APOO: variants seen among roughly 807,000 people sequenced by gnomAD.
APOO encodes the protein MICOS complex subunit MIC26.
In APOO, 11 loss-of-function variants were observed where a neutral mutation model predicts 23.1. That is an observed-to-expected ratio of 0.48 (90% CI 0.30 to 0.79). The LOEUF is 0.79. Among genes scored for constraint, APOO ranks in the 30% least tolerant of loss-of-function variants. APOO has a pLI of 0.07. For missense variants in APOO, 160 were observed against 142.7 expected (o/e 1.12, Z -0.62); for synonymous variants, 59 against 54.8 (o/e 1.08, Z -0.34).
intron 5 of APOO, among the ~76,000 whole-genome samples, chrX:23,862,063 C>T (rs1412830567): frequency 9.0e-6 from 1 of 110,692 alleles, no homozygotes; most frequent in Admixed American, 9.8e-5. Context: ...CTCAGCCTCC[C>T]AAAGTGCTGG....
At chrX:23,865,611 AAAAAG>A (rs1925300247) in intron 5 of APOO, among the ~76,000 whole-genome samples, 1 of 108,546 alleles carries the variant, frequency 9.2e-6, no homozygotes, top group African/African-American at 3.4e-5. Flanking sequence ...CAAAAAAAAA[AAAAAG>A]AAACTCCTAT....
chrX:23,881,835 C>T (rs959539330), intron 1 of APOO, among the ~76,000 whole-genome samples: 2 of 101,765 alleles, frequency 2.0e-5, no homozygotes, highest in African/African-American at 7.3e-5. Flanking sequence ...GTAATCCCAG[C>T]TACACAGAAG....
At chrX:23,880,560 G>A (rs5925630) in intron 2 of APOO, among the ~76,000 whole-genome samples, 13,091 of 109,516 alleles carry the variant, frequency 0.12, 890 homozygotes, top group South Asian at 0.51. Context: ...TTAGCCAGGC[G>A]TGGTGGCACA....
At chrX:23,862,653 G>A (rs938384459) in intron 5 of APOO, among the ~76,000 whole-genome samples, 1 of 104,038 alleles carries the variant, frequency 9.6e-6, no homozygotes, top group African/African-American at 3.5e-5. Context: ...CATGCCTATA[G>A]TCGCAGCTAC....
chrX:23,852,401 A>T (rs1252174923), intron 7 of APOO, among the ~76,000 whole-genome samples: 1 of 110,207 alleles, frequency 9.1e-6, no homozygotes, highest in Non-Finnish European at 1.9e-5. Flanking sequence ...GATCAAGACC[A>T]CCCTGCACAA....
intron 3 of APOO, among the ~76,000 whole-genome samples, chrX:23,875,617 G>T (rs916475735): frequency 5.6e-5 from 6 of 106,997 alleles, no homozygotes; most frequent in African/African-American, 2.0e-4. Context: ...ACAGGGTTTC[G>T]CTATGTTGGC....
chrX:23,891,076 C>T (rs1277875793), intron 1 of APOO, among the ~76,000 whole-genome samples: 1 of 110,988 alleles, frequency 9.0e-6, no homozygotes, highest in Non-Finnish European at 1.9e-5. Flanking sequence ...GGATTCTACC[C>T]TATCCCCATT....
intron 1 of APOO, among the ~76,000 whole-genome samples, chrX:23,887,852 T>A (rs1408168810): frequency 1.8e-5 from 2 of 111,543 alleles, no homozygotes; most frequent in Non-Finnish European, 3.8e-5. Context: ...CCCTCGGGAG[T>A]ATACCCTTCA....
At chrX:23,878,860 T>C in intron 3 of APOO, 55 bp downstream of exon 3, 1 of 1,175,417 alleles carries the variant, frequency 8.5e-7, no homozygotes, top group Non-Finnish European at 1.1e-6. Context: ...ATACAGACTT[T>C]CCTCTATGGA....
chrX:23,892,530 T>G (rs1361949757), intron 1 of APOO, among the ~76,000 whole-genome samples: 3 of 110,333 alleles, frequency 2.7e-5, no homozygotes, highest in Non-Finnish European at 5.7e-5. Context: ...ACTGCTGGAA[T>G]TGGCCAAGGT....
intron 2 of APOO, among the ~76,000 whole-genome samples, chrX:23,879,256 C>T (rs1479197564): frequency 1.8e-5 from 2 of 110,957 alleles, no homozygotes; most frequent in Non-Finnish European, 3.8e-5. Context: ...GCCAACATGG[C>T]GAAACCCAGT....
At chrX:23,901,868 C>A (rs771879894) in intron 1 of APOO, among the ~76,000 whole-genome samples, 1 of 112,499 alleles carries the variant, frequency 8.9e-6, no homozygotes, top group African/African-American at 3.2e-5. Context: ...TCACAAGGAA[C>A]ACAGTGAAGC....
chrX:23,888,259 G>A (rs1415026600), intron 1 of APOO, among the ~76,000 whole-genome samples: 2 of 112,262 alleles, frequency 1.8e-5, no homozygotes, highest in Admixed American at 9.5e-5. Flanking sequence ...AAAGGGGTAG[G>A]CTGTCATCAT....
At chrX:23,875,334 C>CAAG (rs1316850268) in intron 3 of APOO, among the ~76,000 whole-genome samples, 2 of 109,678 alleles carry the variant, frequency 1.8e-5, no homozygotes, top group Non-Finnish European at 3.8e-5. Flanking sequence ...ACAGTGAAGA[C>CAAG]AAGAAGAGAT....
intron 5 of APOO, among the ~76,000 whole-genome samples, chrX:23,866,917 T>C (rs1925361926): frequency 9.1e-6 from 1 of 109,922 alleles, no homozygotes; most frequent in Non-Finnish European, 1.9e-5. Context: ...CTGGCTAACA[T>C]GGCGAAACCC....
intron 5 of APOO, among the ~76,000 whole-genome samples, chrX:23,864,665 CT>C (rs1315922116): frequency 8.9e-6 from 1 of 112,205 alleles, no homozygotes; most frequent in Non-Finnish European, 1.9e-5. Context: ...GGCTTTAAAA[CT>C]TTAAACAGAG....
At chrX:23,861,834 T>A (rs1031824199) in intron 5 of APOO, among the ~76,000 whole-genome samples, 1 of 99,875 alleles carries the variant, frequency 1.0e-5, no homozygotes, top group Admixed American at 1.1e-4. Context: ...GACGGAGTCT[T>A]GCTCTGTTGC....
chrX:23,895,230 A>G (rs1569244818), intron 1 of APOO, among the ~76,000 whole-genome samples: 1 of 111,890 alleles, frequency 8.9e-6, no homozygotes, highest in Admixed American at 9.5e-5. Context: ...AGCACTATTT[A>G]CAATAGCAAA....
chrX:23,885,091 T>C (rs781173492), intron 1 of APOO, among the ~76,000 whole-genome samples: 14 of 110,703 alleles, frequency 1.3e-4, no homozygotes, highest in Admixed American at 3.9e-4. Context: ...TTCAGGGGTG[T>C]ATTTATTTCT....
Sources: allele counts gnomAD v4.1 joint callset (sites outside exome capture counted in the v4.1 genomes callset), GRCh38; gene constraint gnomAD v4.1.1; transcripts MANE v1.5; gene names NCBI Gene and HGNC (gene_info 2026-07-23, HGNC 2026-07-21).